Variants in NELL1 observed in about 807,000 individuals in gnomAD.
NELL1 encodes the protein protein kinase C-binding protein NELL1.
NELL1 carries 76 observed loss-of-function variants against 107.4 expected under a neutral mutation model. The ratio of observed to expected loss-of-function variants is 0.71; its 90% CI spans 0.59 to 0.86. The LOEUF is 0.86. Among genes scored for constraint, NELL1 ranks in the 40% least tolerant of loss-of-function variants. The pLI is 0.00. For missense variants in NELL1, 1,024 were observed against 1,005.5 expected, an observed-to-expected ratio of 1.02 and a Z score of -0.25; for synonymous variants, 353 against 341.2, an observed-to-expected ratio of 1.03 and a Z score of -0.38.
At chr11:21,123,979 T>A (rs1565072058) in intron 13 of NELL1, among the ~76,000 whole-genome samples, 1 of 152,158 alleles carries the variant, frequency 6.6e-6, no homozygotes, top group Non-Finnish European at 1.5e-5. Flanking sequence ...AAAATATGTA[T>A]GAATACATAT....
intron 7 of NELL1, among the ~76,000 whole-genome samples, chr11:20,924,744 G>A (rs1850453593): frequency 6.6e-6 from 1 of 152,170 alleles, no homozygotes; most frequent in African/African-American, 2.4e-5. Context: ...GAGGAATGCA[G>A]ATCTGGTTCA....
chr11:21,429,561 G>A (rs1396898563), intron 15 of NELL1, among the ~76,000 whole-genome samples: 1 of 152,062 alleles, frequency 6.6e-6, no homozygotes, highest in Non-Finnish European at 1.5e-5. Flanking sequence ...AATATGACTT[G>A]GTATTTCAAG....
chr11:20,852,957 A>T (rs1848818892), intron 4 of NELL1, among the ~76,000 whole-genome samples: 1 of 152,180 alleles, frequency 6.6e-6, no homozygotes, highest in Non-Finnish European at 1.5e-5. Flanking sequence ...GGTAGAGGCA[A>T]TCAGGTCTGG....
chr11:21,318,824 C>T (rs1256618291), intron 14 of NELL1, among the ~76,000 whole-genome samples: 6 of 152,018 alleles, frequency 3.9e-5, no homozygotes, highest in Non-Finnish European at 8.8e-5. Flanking sequence ...AAATCAAAAT[C>T]GTTAAGAGTA....
At chr11:21,453,265 T>A (rs918528648) in intron 15 of NELL1, among the ~76,000 whole-genome samples, 2 of 152,146 alleles carry the variant, frequency 1.3e-5, no homozygotes, top group Admixed American at 1.3e-4. Context: ...TTTTATCAGT[T>A]ATTGCTTCAC....
intron 13 of NELL1, among the ~76,000 whole-genome samples, chr11:21,189,777 G>A (rs1358356978): frequency 6.6e-6 from 1 of 150,692 alleles, no homozygotes; most frequent in Non-Finnish European, 1.5e-5. Flanking sequence ...GTTTGCCTCA[G>A]TTAAGGTCTA....
intron 7 of NELL1, among the ~76,000 whole-genome samples, chr11:20,924,863 T>C (rs547009832): frequency 7.9e-5 from 12 of 152,330 alleles, no homozygotes; most frequent in South Asian, 2.1e-4. Flanking sequence ...TTTCTTTCTA[T>C]TGAGGTTCCA....
intron 15 of NELL1, among the ~76,000 whole-genome samples, chr11:21,414,838 A>G (rs553198625): frequency 5.9e-5 from 9 of 152,164 alleles, no homozygotes; most frequent in East Asian, 5.8e-4. Context: ...TCAATGCAGG[A>G]CTTCCCTTCT....
chr11:21,520,150 C>T (rs187322285), intron 15 of NELL1, among the ~76,000 whole-genome samples: 145 of 152,166 alleles, frequency 9.5e-4, no homozygotes, highest in Admixed American at 9.0e-3. Context: ...CACAATATGC[C>T]GTAGGACTGA....
chr11:21,462,570 A>G (rs1337456619), intron 15 of NELL1, among the ~76,000 whole-genome samples: 1 of 152,050 alleles, frequency 6.6e-6, no homozygotes, highest in East Asian at 1.9e-4. Context: ...TATTATCTAG[A>G]GAGGATATTT....
chr11:20,908,739 A>G (rs188751132), intron 5 of NELL1, among the ~76,000 whole-genome samples: 1 of 152,354 alleles, frequency 6.6e-6, no homozygotes, highest in East Asian at 1.9e-4. Flanking sequence ...AAAAAATAAA[A>G]TCACGCAGCT....
intron 12 of NELL1, among the ~76,000 whole-genome samples, chr11:21,053,355 G>A (rs1853542238): frequency 6.6e-6 from 1 of 152,114 alleles, no homozygotes; most frequent in Non-Finnish European, 1.5e-5. Flanking sequence ...CCACTTATAA[G>A]TGAGAACATG....
chr11:20,914,775 AC>A (rs1183148181), intron 5 of NELL1, among the ~76,000 whole-genome samples: 1 of 152,006 alleles, frequency 6.6e-6, no homozygotes, highest in African/African-American at 2.4e-5. Flanking sequence ...TAGAAAAGCT[AC>A]TTAGAGTATC....
At chr11:21,386,274 C>T (rs902173588) in intron 15 of NELL1, among the ~76,000 whole-genome samples, 1 of 151,562 alleles carries the variant, frequency 6.6e-6, no homozygotes, top group Admixed American at 6.6e-5. Context: ...TCTTTTGTTC[C>T]TTTCCTGCTG....
intron 12 of NELL1, among the ~76,000 whole-genome samples, chr11:20,988,429 G>A (rs1185023447): frequency 2.5e-4 from 32 of 125,554 alleles, no homozygotes; most frequent in South Asian, 4.9e-4. Context: ...ACATATGTGT[G>A]TATATATATC....
intron 2 of NELL1, among the ~76,000 whole-genome samples, chr11:20,755,556 G>GTTTTTTTTTTTTTTTTTTTTTTTTTTTTT (rs1188989442): frequency 4.3e-5 from 1 of 23,368 alleles, no homozygotes; most frequent in African/African-American, 8.4e-5. Flanking sequence ...TTTTGTTTTT[G>GTTTTTTTTTTTTTTTTTTTTTTTTTTTTT]TTTTTGTTTT....
In NELL1 at chr11:21,493,656, C is replaced by T. The variant is rs184644483; in HGVS notation, c.1646-40718C>T. Among the ~76,000 whole-genome samples the T allele has an allele frequency of 1.7e-4, 26 of 151,924 alleles. No homozygotes were observed. The East Asian group carries it at 3.9e-3, about 23-fold the overall frequency. On this transcript the variant is annotated intron_variant, in intron 15 of 19. Coordinates refer to ENST00000357134, the MANE Select transcript of NELL1 (RefSeq NM_006157.5). ...ATTAGTGAATACAAACATATAGTTA[C>T]GTAGAAGAAATATGCCCCAATATTT...
At chr11:21,095,077 T>A (rs1854609277) in intron 12 of NELL1, among the ~76,000 whole-genome samples, 1 of 152,240 alleles carries the variant, frequency 6.6e-6, no homozygotes, top group Non-Finnish European at 1.5e-5. Context: ...ACCTCTTGAA[T>A]GCTTTGCTGC....
intron 15 of NELL1, among the ~76,000 whole-genome samples, chr11:21,391,429 A>G (rs1399585257): frequency 2.6e-5 from 4 of 151,786 alleles, no homozygotes; most frequent in Non-Finnish European, 5.9e-5. Context: ...AATGTCCCCT[A>G]CATCTTCTCT....
Sources: gnomAD v4.1 joint callset for allele counts (sites outside exome capture counted in the v4.1 genomes callset) on GRCh38, gnomAD v4.1.1 for gene constraint, MANE v1.5 for transcripts, NCBI Gene and HGNC (gene_info 2026-07-23, HGNC 2026-07-21) for gene names.